TMTC2: variants seen among roughly 807,000 people sequenced by gnomAD.
TMTC2 encodes the protein protein O-mannosyl-transferase TMTC2.
TMTC2 carries 43 observed loss-of-function variants against 82.4 expected under a neutral mutation model. That is an observed-to-expected ratio of 0.52 (90% CI 0.41 to 0.67). The LOEUF (loss-of-function observed/expected upper bound fraction) is 0.67, where lower values mean the gene tolerates loss of function less well. Among genes scored for constraint, TMTC2 ranks in the 30% least tolerant of loss-of-function variants. The probability of loss-of-function intolerance (pLI) is 0.00; values close to 1 mark genes in which losing one functional copy is unlikely to be tolerated. For missense variants in TMTC2, 919 were observed against 1,012.4 expected (o/e 0.91, Z 1.25); for synonymous variants, 408 against 381.9 (o/e 1.07, Z -0.80).
intron 3 of TMTC2, among the ~76,000 whole-genome samples, chr12:82,922,536 C>G (rs574281939): frequency 4.0e-5 from 6 of 151,842 alleles, no homozygotes; most frequent in African/African-American, 1.4e-4. Flanking sequence ...CCCTTCACTG[C>G]AGTTTCAGGT....
chr12:82,882,337 T>C (rs1029924944), intron 2 of TMTC2, among the ~76,000 whole-genome samples: 1 of 152,196 alleles, frequency 6.6e-6, no homozygotes, highest in African/African-American at 2.4e-5. Context: ...GTACTGTTGA[T>C]ATCAGTACTT....
intron 9 of TMTC2, among the ~76,000 whole-genome samples, chr12:83,039,992 T>C (rs575903883): frequency 3.9e-5 from 6 of 152,350 alleles, no homozygotes; most frequent in Non-Finnish European, 7.3e-5. Flanking sequence ...TGGGCACATA[T>C]GTGCTCATTA....
At chr12:82,938,924 G>A (rs1876554929) in intron 4 of TMTC2, among the ~76,000 whole-genome samples, 1 of 152,032 alleles carries the variant, frequency 6.6e-6, no homozygotes, top group Non-Finnish European at 1.5e-5. Flanking sequence ...ATGTGGTTAT[G>A]TATACACTTT....
At chr12:82,972,371 C>A (rs938480898) in intron 7 of TMTC2, among the ~76,000 whole-genome samples, 2 of 152,022 alleles carry the variant, frequency 1.3e-5, no homozygotes, top group South Asian at 2.1e-4. Context: ...TCTAATAAAC[C>A]TTTTACTTAC....
At chr12:83,114,155 C>T (rs747226378) in intron 11 of TMTC2, among the ~76,000 whole-genome samples, 5 of 152,046 alleles carry the variant, frequency 3.3e-5, no homozygotes, top group Non-Finnish European at 7.4e-5. Context: ...TACACTGAAA[C>T]CCTAATCCCT....
chr12:82,858,403 G>A (rs570265887), intron 2 of TMTC2, among the ~76,000 whole-genome samples: 1 of 152,282 alleles, frequency 6.6e-6, no homozygotes, highest in East Asian at 1.9e-4. Context: ...TTTGACTTTG[G>A]CGTGAAGACG....
intron 8 of TMTC2, among the ~76,000 whole-genome samples, chr12:83,014,088 T>C (rs1176423061): frequency 6.6e-6 from 1 of 152,228 alleles, no homozygotes; most frequent in Non-Finnish European, 1.5e-5. Flanking sequence ...AGTGACAATT[T>C]GGTTGATAAT....
chr12:82,857,036 T>A lies in TMTC2; in HGVS notation c.110T>A (p.Leu37His). Residue 37 changes from leucine to histidine, a missense_variant, in exon 2 of 12, where the codon CTT becomes CAT. Physicochemically the swap from Leu to His is moderately conservative, Grantham distance 99. Coordinates refer to ENST00000321196, the MANE Select transcript of TMTC2 (RefSeq NM_152588.3). ...DSRAIKTNQDLLPETPWTHIF... is the reference protein window; with the variant it reads ...DSRAIKTNQDHLPETPWTHIF... ...CGTGCTATCAAGACTAATCAGGACC[T>A]TCTCCCAGAAACTCCATGGACGCAC... The A allele has an allele frequency of 1.2e-6, 2 of 1,613,052 alleles. No individual in the cohort carries two copies. Among genetic ancestry groups the A allele is most frequent in the Non-Finnish European group, 1.7e-6 (2 of 1,180,018 alleles).
At chr12:82,692,548 C>G (rs1872622633) in intron 1 of TMTC2, among the ~76,000 whole-genome samples, 1 of 152,158 alleles carries the variant, frequency 6.6e-6, no homozygotes, top group African/African-American at 2.4e-5. Context: ...GACGTTTACC[C>G]TTAAGGCTCT....
chr12:83,034,276 G>A (rs184901310), intron 9 of TMTC2, among the ~76,000 whole-genome samples: 150 of 152,190 alleles, frequency 9.9e-4, no homozygotes, highest in Non-Finnish European at 9.0e-4. Flanking sequence ...AAATCTCTAT[G>A]TTAATCCAAC....
chr12:82,866,478 A>G (rs1045266830), intron 2 of TMTC2, among the ~76,000 whole-genome samples: 18 of 152,340 alleles, frequency 1.2e-4, no homozygotes, highest in Non-Finnish European at 2.5e-4. Flanking sequence ...ATACTCCGTC[A>G]GTGAAAATGA....
chr12:82,815,411 C>T (rs1033491004), intron 1 of TMTC2, among the ~76,000 whole-genome samples: 2 of 151,684 alleles, frequency 1.3e-5, no homozygotes, highest in Admixed American at 6.6e-5. Flanking sequence ...CCCGAGTTGA[C>T]GCCATTGTCC....
chr12:82,746,346 A>T (rs1266878992), intron 1 of TMTC2, among the ~76,000 whole-genome samples: 1 of 152,172 alleles, frequency 6.6e-6, no homozygotes, highest in South Asian at 2.1e-4. Flanking sequence ...CTTGAGTGCC[A>T]GGGCTCAATT....
chr12:83,046,088 TCTAAAACATGC>T (rs1171791501), intron 9 of TMTC2, among the ~76,000 whole-genome samples: 1 of 152,108 alleles, frequency 6.6e-6, no homozygotes, highest in Non-Finnish European at 1.5e-5. Flanking sequence ...TCACTTCTGC[TCTAAAACATGC>T]CTCGGTATCT....
At chr12:82,828,411 A>G (rs1375892391) in intron 1 of TMTC2, among the ~76,000 whole-genome samples, 1 of 151,792 alleles carries the variant, frequency 6.6e-6, no homozygotes, top group African/African-American at 2.4e-5. Context: ...GGTGGGCCAG[A>G]CTGGTCTTGA....
chr12:82,866,455 AC>A (rs2137129237), intron 2 of TMTC2, among the ~76,000 whole-genome samples: 1 of 152,308 alleles, frequency 6.6e-6, no homozygotes, highest in South Asian at 2.1e-4. Context: ...CTGAATTTCA[AC>A]CAGTTAACTC....
intron 1 of TMTC2, among the ~76,000 whole-genome samples, chr12:82,762,921 A>G (rs574819605): frequency 2.0e-5 from 3 of 152,258 alleles, no homozygotes; most frequent in East Asian, 3.9e-4. Flanking sequence ...GCATAAAACT[A>G]TGTGAGAGAA....
intron 11 of TMTC2, among the ~76,000 whole-genome samples, chr12:83,129,810 C>T (rs1044784214): frequency 9.2e-5 from 14 of 152,140 alleles, no homozygotes; most frequent in African/African-American, 3.1e-4. Context: ...AAAATGCTGG[C>T]ATCCCATTTG....
chr12:82,857,352 CG>C lies in TMTC2; in HGVS notation c.430del (p.Ala144ProfsTer47). ...CAGGAATCGTGGGACGAGCCGATGT[CG>C]GGGCCAGTCTCTTCTTTCTCCTCTC... Reference protein sequence around the residue: ...VAGIVGRADVGASLFFLLSLL... With the variant: ...VAGIVGRADVXASLFFLLSLL... On this transcript the variant is annotated frameshift_variant, in exon 2 of 12. Coordinates refer to ENST00000321196, the MANE Select transcript of TMTC2 (RefSeq NM_152588.3). LOFTEE classifies it high-confidence loss of function. 1 of 1,614,120 alleles carries C rather than the reference CG, an allele frequency of 6.2e-7. No individual in the cohort carries two copies. The highest frequency in any genetic ancestry group is 2.2e-5 in the East Asian group (1 of 44,864).
Sources: allele counts gnomAD v4.1 joint callset (sites outside exome capture counted in the v4.1 genomes callset), GRCh38; gene constraint gnomAD v4.1.1; transcripts MANE v1.5; gene names NCBI Gene and HGNC (gene_info 2026-07-23, HGNC 2026-07-21).